Variants in TBC1D8 observed in about 807,000 individuals in gnomAD.
TBC1D8 encodes TBC1 domain family member 8, also known as BUB2-like protein 1.
A neutral mutation model predicts 118.8 loss-of-function variants in TBC1D8; 65 were observed. That is an observed-to-expected ratio of 0.55 (90% CI 0.45 to 0.67). The LOEUF (loss-of-function observed/expected upper bound fraction) is 0.67, where lower values mean the gene tolerates loss of function less well. Ranked by LOEUF, TBC1D8 falls within the 30% of genes least tolerant of loss-of-function variation. The pLI, the probability that TBC1D8 is intolerant of heterozygous loss-of-function variation, is 0.00. For synonymous variants in TBC1D8, 566 were observed against 595.8 expected (o/e 0.95, Z 0.73); for missense variants, 1,376 against 1,471.2 (o/e 0.94, Z 1.06).
At chr2:101,134,565 G>A (rs1429985978) in intron 1 of TBC1D8, among the ~76,000 whole-genome samples, 2 of 152,030 alleles carry the variant, frequency 1.3e-5, no homozygotes, top group Non-Finnish European at 2.9e-5. Context: ...TTCTCTTCTT[G>A]GCTTGCAGAC....
At chr2:101,009,930 T>C (rs891588970) in intron 19 of TBC1D8, among the ~76,000 whole-genome samples, 4 of 151,460 alleles carry the variant, frequency 2.6e-5, no homozygotes, top group Non-Finnish European at 4.4e-5. Context: ...CATGCCATTC[T>C]CCTGCCTCAG....
At chr2:101,118,696 C>CA (rs36069912) in intron 1 of TBC1D8, among the ~76,000 whole-genome samples, 15,833 of 80,356 alleles carry the variant, frequency 0.2, 1,129 homozygotes, top group Middle Eastern at 0.36. Flanking sequence ...AACTCCATCT[C>CA]AAAAAAAAAA....
At chr2:101,087,209 A>G (rs982875708) in intron 2 of TBC1D8, among the ~76,000 whole-genome samples, 1 of 152,228 alleles carries the variant, frequency 6.6e-6, no homozygotes, top group Admixed American at 6.5e-5. Flanking sequence ...GCCTCAAACT[A>G]TCACCCAGCC....
intron 1 of TBC1D8, among the ~76,000 whole-genome samples, chr2:101,124,822 A>G: frequency 6.6e-6 from 1 of 152,208 alleles, no homozygotes. Flanking sequence ...AGTGATGAAG[A>G]GGCTGGGTGG....
At chr2:101,104,258 A>G (rs896055285) in intron 1 of TBC1D8, among the ~76,000 whole-genome samples, 4 of 152,262 alleles carry the variant, frequency 2.6e-5, no homozygotes, top group African/African-American at 9.6e-5. Context: ...ATGGTTTAGA[A>G]GATTTAATAC....
chr2:101,016,998 C>T (rs1679697328), intron 17 of TBC1D8, among the ~76,000 whole-genome samples: 2 of 151,574 alleles, frequency 1.3e-5, no homozygotes, highest in Non-Finnish European at 2.9e-5. Context: ...ATGGGTGCAG[C>T]ACACCAGCAT....
intron 3 of TBC1D8, among the ~76,000 whole-genome samples, chr2:101,058,285 G>C (rs914531252): frequency 3.9e-5 from 6 of 152,068 alleles, no homozygotes; most frequent in Non-Finnish European, 7.4e-5. Context: ...GTAACCCCCA[G>C]TCCCCAAAGG....
intron 1 of TBC1D8, among the ~76,000 whole-genome samples, chr2:101,107,687 C>T (rs985429897): frequency 6.6e-6 from 1 of 152,130 alleles, no homozygotes; most frequent in Non-Finnish European, 1.5e-5. Flanking sequence ...GGAACCAGGG[C>T]TCCTTGGAGA....
At chr2:101,116,696 A>C (rs1441065500) in intron 1 of TBC1D8, among the ~76,000 whole-genome samples, 1 of 151,396 alleles carries the variant, frequency 6.6e-6, no homozygotes, top group Non-Finnish European at 1.5e-5. Context: ...GCTAGAGTGC[A>C]GTGGTGCAAT....
At chr2:101,097,624 G>A (rs1676553498) in intron 1 of TBC1D8, among the ~76,000 whole-genome samples, 1 of 151,696 alleles carries the variant, frequency 6.6e-6, no homozygotes, top group South Asian at 2.1e-4. Context: ...CCAGCACTTT[G>A]GGAATATCAC....
At chr2:101,075,588 T>G (rs971114607) in intron 2 of TBC1D8, among the ~76,000 whole-genome samples, 5 of 152,142 alleles carry the variant, frequency 3.3e-5, no homozygotes, top group African/African-American at 1.2e-4. Flanking sequence ...CAAAATGGTC[T>G]TATAAGGGGC....
chr2:101,141,290 T>G (rs1306882436), intron 1 of TBC1D8, among the ~76,000 whole-genome samples: 1 of 152,234 alleles, frequency 6.6e-6, no homozygotes, highest in Admixed American at 6.6e-5. Flanking sequence ...CAACTTTTTA[T>G]TTTCCCTGGA....
At position 101,032,384 on chromosome 2, in the gene TBC1D8, G is replaced by A. The variant is rs1428035637; in HGVS notation, c.1820C>T (p.Ser607Phe). ...CAGCACGGAGGTCAGGATGTTCATGGACTGCTCGGGGGTCAAGGAGGGCAG... is the reference window on the plus strand; with the variant it reads ...CAGCACGGAGGTCAGGATGTTCATGAACTGCTCGGGGGTCAAGGAGGGCAG... ...HRNPKIGYCQ[S>F]MNILTSVLLL... The change falls in exon 11 of 20, where the codon TCC (serine) becomes TTC (phenylalanine). Residue 607 changes from serine (S) to phenylalanine (F), a missense_variant and splice_region_variant. Ser to Phe is a radical substitution (Grantham distance 155). Coordinates refer to ENST00000409318, the MANE Select transcript of TBC1D8 (RefSeq NM_001330348.2). 1 of 1,613,286 alleles carries A rather than the reference G, an allele frequency of 6.2e-7. No homozygotes were observed. Among genetic ancestry groups the A allele is most frequent in the African/African-American group, 1.3e-5 (1 of 75,032 alleles).
At chr2:101,150,153 A>C (rs111227752) in intron 1 of TBC1D8, among the ~76,000 whole-genome samples, 22 of 152,186 alleles carry the variant, frequency 1.4e-4, no homozygotes, top group African/African-American at 5.1e-4. Context: ...TACATCTCCT[A>C]CCAGACTCAA....
intron 1 of TBC1D8, among the ~76,000 whole-genome samples, chr2:101,096,148 TC>T (rs1229421751): frequency 6.6e-6 from 1 of 152,178 alleles, no homozygotes; most frequent in Non-Finnish European, 1.5e-5. Flanking sequence ...AGTCTCGAAC[TC>T]CTAGGCTCAG....
In TBC1D8 at chr2:101,078,981, C is replaced by T. The variant is rs530250944; in HGVS notation, c.283+11228G>A. On this transcript the variant is annotated intron_variant, in intron 2 of 19. Coordinates refer to ENST00000409318, the MANE Select transcript of TBC1D8 (RefSeq NM_001330348.2). ...CAGTGAAAGGCAACCCTGAAGTGGG[C>T]CCCCGGGGACCTCATGGAATGGGAG... 3.3e-5 allele frequency among the ~76,000 whole-genome samples: 5 copies of T among 152,100 alleles called. No homozygotes were observed. The East Asian group carries it at 5.8e-4, about 18-fold the overall frequency.
At chr2:101,140,902 C>T (rs1225355864) in intron 1 of TBC1D8, among the ~76,000 whole-genome samples, 1 of 151,934 alleles carries the variant, frequency 6.6e-6, no homozygotes, top group Non-Finnish European at 1.5e-5. Flanking sequence ...GCTGGGATTA[C>T]AGGGATGCGC....
At chr2:101,103,413 A>G (rs889851629) in intron 1 of TBC1D8, among the ~76,000 whole-genome samples, 27 of 146,430 alleles carry the variant, frequency 1.8e-4, no homozygotes, top group African/African-American at 6.6e-4. Context: ...TTTTTTTGAG[A>G]CAGAGTCTCA....
intron 2 of TBC1D8, among the ~76,000 whole-genome samples, chr2:101,079,554 T>C (rs1051302409): frequency 1.3e-5 from 2 of 151,688 alleles, no homozygotes; most frequent in African/African-American, 2.4e-5. Flanking sequence ...TTTTTTTTTT[T>C]CTGTAGAAAC....
Sources: allele counts gnomAD v4.1 joint callset (sites outside exome capture counted in the v4.1 genomes callset), GRCh38; gene constraint gnomAD v4.1.1; transcripts MANE v1.5; gene names NCBI Gene and HGNC (gene_info 2026-07-23, HGNC 2026-07-21).